UNC13C: variants seen among roughly 807,000 people sequenced by gnomAD.
UNC13C encodes unc-13 homolog C, also known as protein unc-13 homolog C.
In UNC13C, 174 loss-of-function variants were observed where a neutral mutation model predicts 245.4. That is an observed-to-expected ratio of 0.71 (90% CI 0.63 to 0.80). UNC13C has a LOEUF of 0.80. Among genes scored for constraint, UNC13C ranks in the 30% least tolerant of loss-of-function variants. The pLI, the probability that UNC13C is intolerant of heterozygous loss-of-function variation, is 0.00. For synonymous variants in UNC13C, 992 were observed against 895.1 expected (o/e 1.11, Z -1.93); for missense variants, 2,829 against 2,602.9 (o/e 1.09, Z -1.89).
At chr15:54,609,058 G>T (rs1899934460) in intron 30 of UNC13C, among the ~76,000 whole-genome samples, 1 of 152,168 alleles carries the variant, frequency 6.6e-6, no homozygotes, top group South Asian at 2.1e-4. Flanking sequence ...TGAGTTCTCA[G>T]CCAAATGTTC....
At chr15:54,126,607 T>C (rs542537529) in intron 2 of UNC13C, among the ~76,000 whole-genome samples, 2 of 152,234 alleles carry the variant, frequency 1.3e-5, no homozygotes, top group African/African-American at 4.8e-5. Flanking sequence ...ATAAAAATCC[T>C]AGAAGAAAAT....
At chr15:54,419,032 C>A (rs550934403) in intron 19 of UNC13C, among the ~76,000 whole-genome samples, 37 of 152,164 alleles carry the variant, frequency 2.4e-4, no homozygotes, top group African/African-American at 8.4e-4. Flanking sequence ...AAGGCAAGCT[C>A]TGTATAATTA....
At chr15:53,963,890 A>G in the UNC13C span, among the ~76,000 whole-genome samples, 2 of 152,228 alleles carry the variant, frequency 1.3e-5, no homozygotes, top group South Asian at 4.1e-4. Context: ...ATGGTTTTAT[A>G]TCCAGAAACA....
chr15:54,248,705 G>A (rs1316622074), intron 7 of UNC13C, among the ~76,000 whole-genome samples: 4 of 152,104 alleles, frequency 2.6e-5, no homozygotes, highest in African/African-American at 7.2e-5. Flanking sequence ...TGACCATACT[G>A]CTGCTCTGTA....
At chr15:53,962,344 C>T in the UNC13C span, among the ~76,000 whole-genome samples, 4 of 151,868 alleles carry the variant, frequency 2.6e-5, no homozygotes, top group African/African-American at 9.7e-5. Context: ...AATTTGCTAA[C>T]CATGTTTAGA....
intron 2 of UNC13C, among the ~76,000 whole-genome samples, chr15:54,018,664 C>A (rs1294871381): frequency 6.6e-6 from 1 of 152,174 alleles, no homozygotes; most frequent in Non-Finnish European, 1.5e-5. Context: ...TCTGATCCCC[C>A]ACCTTCAGCC....
chr15:53,851,037 T>C, the UNC13C span, among the ~76,000 whole-genome samples: 1 of 152,076 alleles, frequency 6.6e-6, no homozygotes, highest in African/African-American at 2.4e-5. Flanking sequence ...TAGTATGTTC[T>C]CTTTCGTATC....
At chr15:54,533,612 G>A (rs1393971987) in intron 26 of UNC13C, among the ~76,000 whole-genome samples, 1 of 152,222 alleles carries the variant, frequency 6.6e-6, no homozygotes, top group African/African-American at 2.4e-5. Context: ...CGAAGTCCCT[G>A]ATACCATGGA....
chr15:54,473,775 T>G (rs1165588110), intron 19 of UNC13C, among the ~76,000 whole-genome samples: 1 of 151,894 alleles, frequency 6.6e-6, no homozygotes, highest in Non-Finnish European at 1.5e-5. Context: ...GGGATACAAG[T>G]GCATTTTGTT....
At chr15:54,436,987 C>A (rs921152083) in intron 19 of UNC13C, among the ~76,000 whole-genome samples, 1 of 151,848 alleles carries the variant, frequency 6.6e-6, no homozygotes, top group Non-Finnish European at 1.5e-5. Context: ...AATATTAACA[C>A]TGACCCTGTT....
chr15:53,931,536 A>G, the UNC13C span, among the ~76,000 whole-genome samples: 1 of 151,766 alleles, frequency 6.6e-6, no homozygotes, highest in South Asian at 2.1e-4. Flanking sequence ...TGTGTGTACA[A>G]ATTGTCTTTG....
downstream of UNC13C, chr15:54,631,953 A>C (rs374653701): frequency 2.0e-5 from 3 of 152,294 alleles, no homozygotes; most frequent in East Asian, 3.9e-4. Context: ...CATTTCCAGA[A>C]GCAATGTATG....
chr15:54,220,615 A>C (rs1358828635), intron 4 of UNC13C, among the ~76,000 whole-genome samples: 1 of 148,978 alleles, frequency 6.7e-6, no homozygotes, highest in African/African-American at 2.5e-5. Flanking sequence ...AAATAAAAAA[A>C]ATTAAAAAAA....
Position 54,236,172 on chromosome 15 carries a change from T to C in UNC13C, c.3151-258T>C, listed in dbSNP as rs180794139. Reference sequence around the variant, plus strand: ...CTTTCAGCAACAACGTACATAACTTTTTACATCAGTAATTTTTAATTTTGC... The same window carrying C: ...CTTTCAGCAACAACGTACATAACTTCTTACATCAGTAATTTTTAATTTTGC... On this transcript the variant is annotated intron_variant, in intron 5 of 32. Transcript: ENST00000260323. Among the ~76,000 whole-genome samples, 733 of 152,330 alleles carry C rather than the reference T, an allele frequency of 4.8e-3. 1 individual carries two copies. The highest frequency in any genetic ancestry group is 7.9e-3 in the Non-Finnish European group (539 of 68,030).
intron 17 of UNC13C, among the ~76,000 whole-genome samples, chr15:54,368,844 G>A (rs902453651): frequency 2.0e-5 from 3 of 152,052 alleles, no homozygotes; most frequent in Admixed American, 6.6e-5. Flanking sequence ...TTAGTAAATG[G>A]AACAGAGTAG....
chr15:54,160,265 T>A (rs1401141586), intron 4 of UNC13C, among the ~76,000 whole-genome samples: 1 of 151,332 alleles, frequency 6.6e-6, no homozygotes, highest in Non-Finnish European at 1.5e-5. Context: ...AAGTTTAGGA[T>A]TGATACAGTG....
chr15:54,287,494 G>A lies in UNC13C; in HGVS notation c.3819-6401G>A, dbSNP rs538815259. Reference sequence around the variant, plus strand: ...CACATTAAGCCACAGCTTTATCAAAGAAGACATTCATTTATTTCATTCAAC... The same window carrying A: ...CACATTAAGCCACAGCTTTATCAAAAAAGACATTCATTTATTTCATTCAAC... On this transcript the variant is annotated intron_variant, in intron 10 of 32. Coordinates refer to ENST00000260323, the MANE Select transcript of UNC13C (RefSeq NM_001080534.3). 6.6e-5 allele frequency among the ~76,000 whole-genome samples: 10 copies of A among 152,246 alleles called. No homozygotes were observed. In the East Asian group the frequency reaches 1.7e-3, roughly 26 times the overall value.
intron 2 of UNC13C, among the ~76,000 whole-genome samples, chr15:54,051,186 A>G (rs1897254057): frequency 6.6e-6 from 1 of 152,128 alleles, no homozygotes; most frequent in Non-Finnish European, 1.5e-5. Flanking sequence ...GGTTTTCCCC[A>G]CACTCAGGTT....
chr15:54,161,198 A>T (rs904554146), intron 4 of UNC13C, among the ~76,000 whole-genome samples: 5 of 152,140 alleles, frequency 3.3e-5, no homozygotes, highest in African/African-American at 1.2e-4. Context: ...TCTCATGCTC[A>T]AGTTATCCTC....
Sources: allele counts gnomAD v4.1 joint callset (sites outside exome capture counted in the v4.1 genomes callset), GRCh38; gene constraint gnomAD v4.1.1; transcripts MANE v1.5; gene names NCBI Gene and HGNC (gene_info 2026-07-23, HGNC 2026-07-21).